Variants in ABCG5 observed in about 807,000 individuals in gnomAD.
ABCG5 encodes ATP-binding cassette sub-family G member 5.
In ABCG5, 64 loss-of-function variants were observed where a neutral mutation model predicts 64.5. The ratio of observed to expected loss-of-function variants is 0.99; its 90% CI spans 0.81 to 1.22. The LOEUF (loss-of-function observed/expected upper bound fraction) is 1.22. ABCG5 is among the 50% of genes most tolerant of loss of function. The pLI, the probability that ABCG5 is intolerant of heterozygous loss-of-function variation, is 0.00. For synonymous variants in ABCG5, 385 were observed against 326.3 expected (o/e 1.18, Z -1.94); for missense variants, 908 against 829.5 (o/e 1.09, Z -1.16).
rs1272648013 is a variant in ABCG5 at position 43,838,141 on chromosome 2, T to G, written c.144-186A>C. 1.4e-6 allele frequency: 1 copy of G among 739,976 alleles called. No individual in the cohort carries two copies. Among genetic ancestry groups the G allele is most frequent in the East Asian group, 2.8e-5 (1 of 36,290 alleles). The allele number at this position is 739,976 out of a possible 1,614,324, so 45.8% of individuals were successfully genotyped here. ...ATAGCGACTGAGGCTGTCTGCCACG[T>G]AGGGAGGGGGCCTGTGCTGGAGTTG... On this transcript the variant is annotated intron_variant, in intron 1 of 12. Coordinates refer to ENST00000405322, the MANE Select transcript of ABCG5 (RefSeq NM_022436.3). The surrounding 1 kb of genome is among the most constrained non-coding windows in gnomAD (Gnocchi z 4.2).
intron 4 of ABCG5, among the ~76,000 whole-genome samples, chr2:43,831,553 AG>A (rs1357699034): frequency 6.6e-6 from 1 of 152,194 alleles, no homozygotes; most frequent in East Asian, 1.9e-4. Context: ...TTGCGCTCAG[AG>A]CACGTTTCAG....
intron 8 of ABCG5, 39 bp downstream of exon 8, chr2:43,824,180 A>C (rs371613832): frequency 5.0e-6 from 8 of 1,613,820 alleles, no homozygotes; most frequent in African/African-American, 1.3e-5. Flanking sequence ...ATGGCTAAAG[A>C]CCTCTAACAG....
intron 6 of ABCG5, among the ~76,000 whole-genome samples, chr2:43,826,018 C>T (rs1364230128): frequency 6.6e-6 from 1 of 152,148 alleles, no homozygotes; most frequent in Non-Finnish European, 1.5e-5. Context: ...CTCTGTCACC[C>T]AGGCTAGAGT....
chr2:43,812,251 C>A (rs986103259), downstream of ABCG5, among the ~76,000 whole-genome samples: 1 of 151,208 alleles, frequency 6.6e-6, no homozygotes, highest in Admixed American at 6.6e-5. Flanking sequence ...CTTTAAATAA[C>A]AGCTGATCTC....
downstream of ABCG5, among the ~76,000 whole-genome samples, chr2:43,807,987 A>G (rs1312881608): frequency 6.6e-6 from 1 of 152,046 alleles, no homozygotes. Context: ...TAGTTTTCTC[A>G]CAGTCTGCTG....
intron 10 of ABCG5, among the ~76,000 whole-genome samples, chr2:43,820,455 A>G (rs561975076): frequency 2.6e-5 from 4 of 152,242 alleles, no homozygotes; most frequent in Admixed American, 2.6e-4. Flanking sequence ...TGCCTAGCCA[A>G]CACCACACCT....
chr2:43,810,370 T>C (rs1572730041), downstream of ABCG5: 4 of 985,274 alleles, frequency 4.1e-6, no homozygotes, highest in Middle Eastern at 5.2e-4. Flanking sequence ...ATACCACTTT[T>C]TGAAGAACAG....
At chr2:43,817,214 G>T (rs1458101126) in intron 11 of ABCG5, among the ~76,000 whole-genome samples, 2 of 152,258 alleles carry the variant, frequency 1.3e-5, no homozygotes, top group African/African-American at 4.8e-5. Flanking sequence ...ACCAGGTATA[G>T]TGGCTCACGC....
intron 2 of ABCG5, among the ~76,000 whole-genome samples, chr2:43,837,340 C>T (rs946515026): frequency 1.3e-5 from 2 of 151,422 alleles, no homozygotes; most frequent in Admixed American, 6.6e-5. Context: ...AGGTTGCTCT[C>T]GAACTCCTGG....
chr2:43,837,531 G>A (rs1251696755), intron 2 of ABCG5, among the ~76,000 whole-genome samples: 1 of 152,130 alleles, frequency 6.6e-6, no homozygotes, highest in Non-Finnish European at 1.5e-5. Context: ...TCCTTTTCCT[G>A]TCTCTAGGCA....
chr2:43,821,056 T>A (rs539005169), intron 10 of ABCG5, among the ~76,000 whole-genome samples: 1 of 152,338 alleles, frequency 6.6e-6, no homozygotes, highest in African/African-American at 2.4e-5. Flanking sequence ...GTATCTTCAA[T>A]GACCATTAGG....
In ABCG5 at chr2:43,831,628, G is replaced by A. The variant is rs142247315; in HGVS notation, c.501+141C>T. On this transcript the variant is annotated intron_variant, in intron 4 of 12. Transcript: ENST00000405322. ...TGACTAGGGGCAGCACAGGGTGCAC[G>A]GTGCAGGACGCAGGGCGCGCTCTAG... 1,370 of 815,060 alleles carry A rather than the reference G, an allele frequency of 1.7e-3. 17 individuals are homozygous for A. In the African/African-American group the frequency reaches 0.021, roughly 12 times the overall value. The allele number at this position is 815,060 out of a possible 1,614,324, so 50.5% of individuals were successfully genotyped here. A position where few individuals can be genotyped will look rare whatever the true frequency, so the allele number is the denominator to read the frequency against.
Position 43,820,208 on chromosome 2 carries a change from T to A in ABCG5, c.1464-108A>T, listed in dbSNP as rs56400511. The stretch of plus-strand genomic sequence containing the variant: ...CTTTGTGGTGAGTGGGTGGGAGAAG[T>A]TTGCAGGGCAAGCCACACTCCCCTT... On this transcript the variant is annotated intron_variant, in intron 10 of 12. Transcript: ENST00000405322. The A allele has an allele frequency of 5.4e-3, 7,232 of 1,339,432 alleles. 139 individuals carry two copies. The African/African-American group carries it at 0.055, about 10-fold the overall frequency. 83.0% of individuals were successfully genotyped at this position (1,339,432 alleles called of 1,614,324 possible).
chr2:43,809,753 G>A (rs41281457), downstream of ABCG5: 20 of 1,611,542 alleles, frequency 1.2e-5, no homozygotes, highest in East Asian at 8.9e-5. Flanking sequence ...GAAACAAATC[G>A]AGCTTGATTC....
chr2:43,838,981 A>G (rs1253940621), upstream of ABCG5: 1 of 1,471,594 alleles, frequency 6.8e-7, no homozygotes, highest in African/African-American at 1.4e-5. This position sits in a 1 kb window ranked among gnomAD's most constrained non-coding sequence, Gnocchi z 4.2. Flanking sequence ...AAACAGAGTG[A>G]AGACACTGGC....
chr2:43,814,296 T>C (rs1040696471), intron 12 of ABCG5, among the ~76,000 whole-genome samples, 181 bp downstream of exon 12: 5 of 152,188 alleles, frequency 3.3e-5, no homozygotes, highest in African/African-American at 1.2e-4. Context: ...GGAGACTAAC[T>C]TGACTACTGC....
At chr2:43,809,524 G>C (rs963920610), downstream of ABCG5, among the ~76,000 whole-genome samples, 8 of 152,304 alleles carry the variant, frequency 5.3e-5, no homozygotes, top group Admixed American at 3.3e-4. Context: ...TCTGAAGACA[G>C]TATTTCTAGA....
At chr2:43,831,708 AG>A in intron 4 of ABCG5, 60 bp downstream of exon 4, 2 of 1,461,526 alleles carry the variant, frequency 1.4e-6, no homozygotes, top group Non-Finnish European at 9.3e-7. Flanking sequence ...CGAAGAGAGG[AG>A]GGCAGCGGGG....
At chr2:43,806,265 A>G in the ABCG5 span, among the ~76,000 whole-genome samples, 1 of 152,146 alleles carries the variant, frequency 6.6e-6, no homozygotes, top group Non-Finnish European at 1.5e-5. Flanking sequence ...CTGTCCTTAT[A>G]TGAGTAAACT....
Sources: allele counts gnomAD v4.1 joint callset (sites outside exome capture counted in the v4.1 genomes callset), GRCh38; gene constraint gnomAD v4.1.1; non-coding constraint Gnocchi (gnomAD v3.1); transcripts MANE v1.5; gene names NCBI Gene and HGNC (gene_info 2026-07-23, HGNC 2026-07-21).